Variants in SYT2 observed in about 807,000 individuals in gnomAD.
SYT2 encodes the protein synaptotagmin-2.
SYT2 carries 15 observed loss-of-function variants against 39.9 expected under a neutral mutation model. The ratio of observed to expected loss-of-function variants is 0.38; its 90% CI spans 0.25 to 0.58. SYT2 has a LOEUF of 0.58. Ranked by LOEUF, SYT2 falls within the 20% of genes least tolerant of loss-of-function variation. The probability of loss-of-function intolerance (pLI) is 0.70; values close to 1 mark genes in which losing one functional copy is unlikely to be tolerated. For synonymous variants in SYT2, 181 were observed against 204.5 expected (o/e 0.89, Z 0.98); for missense variants, 389 against 530.3 (o/e 0.73, Z 2.62).
chr1:202,680,379 T>C lies in SYT2; in HGVS notation c.-18+29879A>G, dbSNP rs143476008. ...CTCATACATAGAACCTTTTGATGAT[T>C]AAATTTGCCACTGTTGGCCAGGTAT... is the stretch of plus-strand genomic sequence containing the variant. On this transcript the variant is annotated intron_variant, in intron 1 of 8. Coordinates refer to ENST00000367268, the MANE Select transcript of SYT2 (RefSeq NM_177402.5). 3.7e-3 allele frequency among the ~76,000 whole-genome samples: 556 copies of C among 152,296 alleles called. 10 individuals are homozygous for C. The highest frequency in any genetic ancestry group is 5.5e-3 in the Non-Finnish European group (372 of 68,030).
At chr1:202,660,397 G>A (rs547124176) in intron 1 of SYT2, among the ~76,000 whole-genome samples, 8 of 152,140 alleles carry the variant, frequency 5.3e-5, no homozygotes, top group Non-Finnish European at 1.2e-4. Flanking sequence ...AGCTAATGGT[G>A]GCTACAACTT....
In SYT2 at chr1:202,614,350, G is replaced by A. The variant is rs1035999670; in HGVS notation, c.-17-8561C>T. On this transcript the variant is annotated intron_variant, in intron 1 of 8. Coordinates refer to ENST00000367268, the MANE Select transcript of SYT2 (RefSeq NM_177402.5). The surrounding 1 kb of genome is among the most constrained non-coding windows in gnomAD (Gnocchi z 4.0). The stretch of plus-strand genomic sequence containing the variant: ...GTTATAAGTGGGGTTTGTGAAGTTA[G>A]CTCCATGGGGAGTGGAGCAGGGAGG... 1.3e-5 allele frequency among the ~76,000 whole-genome samples: 2 copies of A among 152,166 alleles called. No homozygotes were observed. Among genetic ancestry groups the A allele is most frequent in the African/African-American group, 4.8e-5 (2 of 41,442 alleles).
chr1:202,653,679 C>A (rs1036977624), intron 1 of SYT2, among the ~76,000 whole-genome samples: 1 of 152,200 alleles, frequency 6.6e-6, no homozygotes, highest in South Asian at 2.1e-4. Flanking sequence ...AGAGACTGGG[C>A]GCTGGAGTCC....
intron 1 of SYT2, among the ~76,000 whole-genome samples, chr1:202,644,571 T>G (rs1170495219): frequency 2.0e-5 from 3 of 151,988 alleles, no homozygotes; most frequent in African/African-American, 2.4e-5. Context: ...ATCCTCGCCC[T>G]CTCCCCTCAG....
chr1:202,673,125 G>A (rs1047831002), intron 1 of SYT2, among the ~76,000 whole-genome samples: 3 of 152,126 alleles, frequency 2.0e-5, no homozygotes, highest in African/African-American at 7.2e-5. Flanking sequence ...GAAAATCTTG[G>A]AGATGGGAAA....
rs1690503672 is a variant in SYT2, at chr1:202,601,538, T to G, written c.801+352A>C. Among the ~76,000 whole-genome samples the G allele has an allele frequency of 6.6e-6, 1 of 152,182 alleles. No homozygotes were observed. The highest frequency in any genetic ancestry group is 1.5e-5 in the Non-Finnish European group (1 of 68,030). On this transcript the variant is annotated intron_variant, in intron 6 of 8. Transcript: ENST00000367268. The surrounding 1 kb of genome is among the most constrained non-coding windows in gnomAD (Gnocchi z 4.0). The stretch of plus-strand genomic sequence containing the variant: ...AACAAACATGAGCTTTTCTTGTGGG[T>G]GAACTGAGGCACAGAGGCGTGAATC...
At chr1:202,690,919 C>T (rs1162876903) in intron 1 of SYT2, among the ~76,000 whole-genome samples, 1 of 152,128 alleles carries the variant, frequency 6.6e-6, no homozygotes, top group Non-Finnish European at 1.5e-5. Flanking sequence ...GGAACTGCTC[C>T]CGTATCTGGG....
intron 1 of SYT2, among the ~76,000 whole-genome samples, chr1:202,627,027 C>A (rs1446703305): frequency 6.6e-6 from 1 of 152,204 alleles, no homozygotes; most frequent in African/African-American, 2.4e-5. Context: ...CAAGGACAGA[C>A]CTTGTGTTAC....
At chr1:202,706,104 G>A (rs1558468351) in intron 1 of SYT2, among the ~76,000 whole-genome samples, 1 of 151,922 alleles carries the variant, frequency 6.6e-6, no homozygotes, top group Non-Finnish European at 1.5e-5. Context: ...GGTCCCTCTG[G>A]GCCTGGATCC....
intron 1 of SYT2, among the ~76,000 whole-genome samples, chr1:202,612,987 C>T (rs555522803): frequency 2.0e-5 from 3 of 150,242 alleles, no homozygotes; most frequent in Admixed American, 6.6e-5. Flanking sequence ...TCAGATTGTT[C>T]GTTGCTAGTG....
Position 202,660,040 on chromosome 1 carries a change from T to C in SYT2, c.-18+50218A>G, listed in dbSNP as rs372694534. Among the ~76,000 whole-genome samples the C allele has an allele frequency of 1.2e-4, 18 of 152,252 alleles. 1 individual carries two copies. Among genetic ancestry groups the C allele is most frequent in the Admixed American group, 7.8e-4 (12 of 15,302 alleles). ...CCCAAGAATCTCTGTCCCCTCTGCTTCGTGTATTTCCATCAAAACACAGGC... is the reference window on the plus strand; with the variant it reads ...CCCAAGAATCTCTGTCCCCTCTGCTCCGTGTATTTCCATCAAAACACAGGC... On this transcript the variant is annotated intron_variant, in intron 1 of 8. Coordinates refer to ENST00000367268, the MANE Select transcript of SYT2 (RefSeq NM_177402.5).
intron 1 of SYT2, chr1:202,636,475 A>C: frequency 3.5e-6 from 3 of 858,050 alleles, no homozygotes; most frequent in Non-Finnish European, 4.2e-6. Flanking sequence ...ATCTTGGGAG[A>C]AGTGAGAAAG....
chr1:202,642,560 A>G (rs1212599629), intron 1 of SYT2, among the ~76,000 whole-genome samples: 1 of 152,064 alleles, frequency 6.6e-6, no homozygotes, highest in African/African-American at 2.4e-5. Flanking sequence ...GCTTCCTCCA[A>G]TGCACAGAGC....
At chr1:202,697,824 C>G (rs1572685945) in intron 1 of SYT2, among the ~76,000 whole-genome samples, 1 of 152,222 alleles carries the variant, frequency 6.6e-6, no homozygotes, top group Non-Finnish European at 1.5e-5. Context: ...TTGTCAATTA[C>G]ACCTCAATAG....
intron 1 of SYT2, among the ~76,000 whole-genome samples, chr1:202,616,501 C>T (rs1200689648): frequency 1.3e-5 from 2 of 152,150 alleles, no homozygotes; most frequent in African/African-American, 2.4e-5. Context: ...TACACATATG[C>T]ACACACATAT....
chr1:202,637,164 C>G (rs1691761631), intron 1 of SYT2, among the ~76,000 whole-genome samples: 2 of 151,490 alleles, frequency 1.3e-5, no homozygotes, highest in African/African-American at 2.4e-5. Flanking sequence ...TCTACCAAAA[C>G]AACAACAACA....
intron 1 of SYT2, among the ~76,000 whole-genome samples, chr1:202,629,354 C>T (rs1295687909): frequency 6.6e-6 from 1 of 152,178 alleles, no homozygotes; most frequent in Non-Finnish European, 1.5e-5. Context: ...TCCAGCCCAC[C>T]TTCCCCAATA....
chr1:202,649,478 C>T (rs536922402), intron 1 of SYT2, among the ~76,000 whole-genome samples: 13 of 152,266 alleles, frequency 8.5e-5, no homozygotes, highest in African/African-American at 1.2e-4. Flanking sequence ...TTCATACTTA[C>T]AAAAACACTA....
rs544854900 is a variant in SYT2, at chr1:202,649,776, G to C, written c.-17-43987C>G. On this transcript the variant is annotated intron_variant, in intron 1 of 8. Transcript: ENST00000367268. ...GTGTTTGTCCCCATTTCACAGCTGG[G>C]AAAACTGAGGCCCCCAAAATGCAAA... Among the ~76,000 whole-genome samples the C allele has an allele frequency of 1.5e-3, 233 of 152,324 alleles. 1 individual carries two copies. The highest frequency in any genetic ancestry group is 5.2e-3 in the African/African-American group (218 of 41,564).
Sources: allele counts gnomAD v4.1 joint callset (sites outside exome capture counted in the v4.1 genomes callset), GRCh38; gene constraint gnomAD v4.1.1; non-coding constraint Gnocchi (gnomAD v3.1); transcripts MANE v1.5; gene names NCBI Gene and HGNC (gene_info 2026-07-23, HGNC 2026-07-21).